The following UBE2E1 variants were observed in gnomAD, a reference collection of about 807,000 sequenced individuals.
UBE2E1 encodes ubiquitin-conjugating enzyme E2 E1.
Under a neutral mutation model 21.4 loss-of-function variants are expected in UBE2E1, and 6 were observed. That is an observed-to-expected ratio of 0.28 (90% CI 0.15 to 0.55). The LOEUF (loss-of-function observed/expected upper bound fraction) is 0.55. Among genes scored for constraint, UBE2E1 ranks in the 20% least tolerant of loss-of-function variants. The pLI is 0.93. For missense variants in UBE2E1, 142 were observed against 236.5 expected (o/e 0.60, Z 2.62); for synonymous variants, 87 against 82.7 (o/e 1.05, Z -0.28).
chr3:23,854,768 C>A (rs1018568057), intron 3 of UBE2E1, among the ~76,000 whole-genome samples: 2 of 152,122 alleles, frequency 1.3e-5, no homozygotes, highest in Non-Finnish European at 2.9e-5. Context: ...CTGTTAAATA[C>A]GTAGGATTAT....
chr3:23,881,848 G>A (rs1701050156), intron 3 of UBE2E1, among the ~76,000 whole-genome samples: 1 of 152,162 alleles, frequency 6.6e-6, no homozygotes, highest in Non-Finnish European at 1.5e-5. Flanking sequence ...CTTCCTTCTG[G>A]TGGGTTCGTG....
intron 3 of UBE2E1, among the ~76,000 whole-genome samples, chr3:23,839,675 T>C (rs567041718): frequency 9.9e-5 from 15 of 152,042 alleles, no homozygotes; most frequent in Admixed American, 3.9e-4. Flanking sequence ...GAAAAAAATC[T>C]TTGTCTTTTT....
At chr3:23,807,459 T>C in intron 2 of UBE2E1, 38 bp downstream of exon 2, 2 of 1,592,730 alleles carry the variant, frequency 1.3e-6, no homozygotes, top group South Asian at 2.3e-5. Flanking sequence ...GCTTCCTATT[T>C]CCGAACTGCC....
At chr3:23,830,659 C>T (rs1295614755) in intron 3 of UBE2E1, among the ~76,000 whole-genome samples, 2 of 152,180 alleles carry the variant, frequency 1.3e-5, no homozygotes, top group Non-Finnish European at 1.5e-5. Flanking sequence ...TACCTTATTA[C>T]TCTTCTTGAT....
chr3:23,841,374 A>C (rs919561541), intron 3 of UBE2E1, among the ~76,000 whole-genome samples: 1 of 151,576 alleles, frequency 6.6e-6, no homozygotes, highest in Non-Finnish European at 1.5e-5. Context: ...TTTTTTTTTT[A>C]AGAATAGATG....
Position 23,843,989 on chromosome 3 carries a change from A to G in UBE2E1, c.203+32479A>G, listed in dbSNP as rs142915078. 7.9e-5 allele frequency among the ~76,000 whole-genome samples: 12 copies of G among 152,084 alleles called. 1 individual carries two copies. The East Asian group carries it at 2.3e-3, about 29-fold the overall frequency. On this transcript the variant is annotated intron_variant, in intron 3 of 5. Transcript: ENST00000306627. ...ACTGACTTAACGATATCTTCTTGAT[A>G]TTTCTTCCACCATGTGTAATTTTTT... is the stretch of plus-strand genomic sequence containing the variant.
At chr3:23,807,210 TTC>T in intron 1 of UBE2E1, 25 bp from the exon 2 acceptor site, 2 of 1,550,430 alleles carry the variant, frequency 1.3e-6, no homozygotes, top group Non-Finnish European at 1.7e-6. Flanking sequence ...GTTTGTGTGT[TTC>T]TGTTTTGTTT....
At chr3:23,889,629 CTG>C in intron 5 of UBE2E1, 31 of 985,294 alleles carry the variant, frequency 3.1e-5, no homozygotes, top group Non-Finnish European at 3.7e-5. Flanking sequence ...ACCTGTGCCT[CTG>C]GGGTTCAGTG....
intron 2 of UBE2E1, 35 bp from the exon 3 acceptor site, chr3:23,811,422 GCTT>G: frequency 6.2e-7 from 1 of 1,612,570 alleles, no homozygotes; most frequent in Non-Finnish European, 8.5e-7. Context: ...GCGCCTTAAT[GCTT>G]CTTGTGTTTG....
intron 3 of UBE2E1, among the ~76,000 whole-genome samples, chr3:23,838,872 TTGAG>T (rs1700025280): frequency 1.1e-5 from 1 of 92,198 alleles, no homozygotes; most frequent in African/African-American, 3.9e-5. Flanking sequence ...TGCTTTTGGG[TTGAG>T]TTTTTTTTTT....
rs986296390 is a variant in UBE2E1, at chr3:23,836,087, G to A, written c.203+24577G>A. Among the ~76,000 whole-genome samples the A allele has an allele frequency of 6.6e-6, 1 of 152,106 alleles. No homozygotes were observed. Among genetic ancestry groups the A allele is most frequent in the Non-Finnish European group, 1.5e-5 (1 of 68,010 alleles). ...TTGATGTTAAGATTACGATTTTTCT[G>A]TTAAATAGGACATTTGGAACAAGAA... On this transcript the variant is annotated intron_variant, in intron 3 of 5. Transcript: ENST00000306627. The surrounding 1 kb of genome is among the most constrained non-coding windows in gnomAD (Gnocchi z 4.1).
At chr3:23,889,381 G>T in intron 5 of UBE2E1, 122 bp downstream of exon 5, 1 of 1,527,626 alleles carries the variant, frequency 6.5e-7, no homozygotes, top group Non-Finnish European at 8.7e-7. Context: ...AAAACTAATC[G>T]GCTTTTCAAA....
intron 3 of UBE2E1, among the ~76,000 whole-genome samples, chr3:23,865,241 C>G (rs1459157802): frequency 1.3e-5 from 2 of 152,160 alleles, no homozygotes; most frequent in African/African-American, 4.8e-5. Context: ...GGGACTGAGG[C>G]CCAGGCAACT....
intron 5 of UBE2E1, 41 bp from the exon 6 acceptor site, chr3:23,890,468 C>A (rs1254845451): frequency 1.3e-6 from 2 of 1,589,080 alleles, no homozygotes; most frequent in African/African-American, 2.7e-5. Flanking sequence ...TTAAAATGTT[C>A]TTTTCCTTTC....
At chr3:23,874,357 A>G (rs1700870748) in intron 3 of UBE2E1, among the ~76,000 whole-genome samples, 1 of 152,208 alleles carries the variant, frequency 6.6e-6, no homozygotes, top group African/African-American at 2.4e-5. Flanking sequence ...AAAAGTCTGA[A>G]CAAGATGCTC....
At chr3:23,807,213 T>C (rs1699298315) in intron 1 of UBE2E1, 24 bp from the exon 2 acceptor site, 1 of 1,558,522 alleles carries the variant, frequency 6.4e-7, no homozygotes, top group African/African-American at 1.4e-5. Context: ...TGTGTGTTTC[T>C]GTTTTGTTTC....
chr3:23,871,209 G>GA (rs1700777864), intron 3 of UBE2E1, among the ~76,000 whole-genome samples: 2 of 150,840 alleles, frequency 1.3e-5, no homozygotes, highest in African/African-American at 4.9e-5. Context: ...TCCCAGACGG[G>GA]GTGGTGGCCG....
chr3:23,829,779 A>G (rs916480139), intron 3 of UBE2E1, among the ~76,000 whole-genome samples: 5 of 152,230 alleles, frequency 3.3e-5, no homozygotes, highest in African/African-American at 1.2e-4. Flanking sequence ...TTAGCTCACT[A>G]CTTTCTATAA....
In UBE2E1 at chr3:23,815,225, A is replaced by G. The variant is rs1053630218; in HGVS notation, c.203+3715A>G. ...TTAAACTCCTGGCCTCAAGCCGTCC[A>G]CCCACTTTGCCCTTCCAGAGTGCTG... On this transcript the variant is annotated intron_variant, in intron 3 of 5. Coordinates refer to ENST00000306627, the MANE Select transcript of UBE2E1 (RefSeq NM_003341.5). Among the ~76,000 whole-genome samples the G allele has an allele frequency of 2.0e-5, 3 of 152,152 alleles. No individual in the cohort carries two copies. The South Asian group carries it at 6.2e-4, about 32-fold the overall frequency.
Sources: allele counts gnomAD v4.1 joint callset (sites outside exome capture counted in the v4.1 genomes callset), GRCh38; gene constraint gnomAD v4.1.1; non-coding constraint Gnocchi (gnomAD v3.1); transcripts MANE v1.5; gene names NCBI Gene and HGNC (gene_info 2026-07-23, HGNC 2026-07-21).